RPS6KC1: variants seen among roughly 807,000 people sequenced by gnomAD.
The protein encoded by RPS6KC1 is inactive ribosomal protein S6 kinase delta-1.
Under a neutral mutation model 103.8 loss-of-function variants are expected in RPS6KC1, and 54 were observed. The observed-to-expected ratio is 0.52, with a 90% CI of 0.42 to 0.65. The LOEUF (loss-of-function observed/expected upper bound fraction) is 0.65. RPS6KC1 is among the 30% of genes least tolerant of loss of function. The pLI is 0.00. For synonymous variants in RPS6KC1, 439 were observed against 438.7 expected (o/e 1.00, Z -0.01); for missense variants, 1,151 against 1,253.8 (o/e 0.92, Z 1.24).
intron 6 of RPS6KC1, among the ~76,000 whole-genome samples, chr1:213,152,588 TCA>T (rs1425962182): frequency 2.1e-4 from 30 of 144,346 alleles, no homozygotes; most frequent in Non-Finnish European, 3.0e-4. Context: ...GAGGTGCTCC[TCA>T]CATCCCAGAC....
the RPS6KC1 span, among the ~76,000 whole-genome samples, chr1:213,386,089 G>A: frequency 6.6e-6 from 1 of 152,152 alleles, no homozygotes; most frequent in Non-Finnish European, 1.5e-5. Flanking sequence ...GAATGGCTTG[G>A]TGCTGTCCTC....
the RPS6KC1 span, among the ~76,000 whole-genome samples, chr1:213,767,114 A>C: frequency 6.6e-6 from 1 of 152,200 alleles, no homozygotes; most frequent in African/African-American, 2.4e-5. Context: ...TCTACATCTA[A>C]TTTATTTCTC....
At chr1:213,717,512 G>C in the RPS6KC1 span, among the ~76,000 whole-genome samples, 6 of 152,210 alleles carry the variant, frequency 3.9e-5, no homozygotes, top group African/African-American at 1.4e-4. Context: ...GAGTTTATAT[G>C]AGAGGGATGG....
the RPS6KC1 span, among the ~76,000 whole-genome samples, chr1:213,332,157 G>A: frequency 3.9e-5 from 6 of 152,002 alleles, no homozygotes; most frequent in Non-Finnish European, 8.8e-5. Flanking sequence ...CAAGGACAGA[G>A]CCAACCAACT....
chr1:213,052,639 C>G (rs2077044854), intron 1 of RPS6KC1, among the ~76,000 whole-genome samples: 1 of 152,050 alleles, frequency 6.6e-6, no homozygotes, highest in African/African-American at 2.4e-5. Context: ...CTCCTGAGTT[C>G]AAGCGATTCT....
chr1:213,440,376 TTC>T, the RPS6KC1 span, among the ~76,000 whole-genome samples: 1 of 152,174 alleles, frequency 6.6e-6, no homozygotes, highest in African/African-American at 2.4e-5. Context: ...ATGTGAAGAC[TTC>T]TTTCTCTTTT....
At chr1:213,285,314 C>T in the RPS6KC1 span, among the ~76,000 whole-genome samples, 2 of 146,448 alleles carry the variant, frequency 1.4e-5, no homozygotes, top group Admixed American at 1.4e-4. Flanking sequence ...TAATTACCTC[C>T]TGAAGGCCCC....
chr1:213,743,297 A>C, the RPS6KC1 span, among the ~76,000 whole-genome samples: 1 of 152,170 alleles, frequency 6.6e-6, no homozygotes, highest in Non-Finnish European at 1.5e-5. Context: ...TAGAAAACCA[A>C]ATACCATGTG....
the RPS6KC1 span, among the ~76,000 whole-genome samples, chr1:213,859,718 G>A: frequency 1.3e-5 from 2 of 152,272 alleles, no homozygotes; most frequent in Non-Finnish European, 2.9e-5. Context: ...CTGTGACTTT[G>A]GAGAGTGCTT....
At chr1:213,455,822 T>A in the RPS6KC1 span, among the ~76,000 whole-genome samples, 1 of 152,230 alleles carries the variant, frequency 6.6e-6, no homozygotes, top group Non-Finnish European at 1.5e-5. Flanking sequence ...TTGATAATTT[T>A]ATTTTTACCA....
At chr1:213,114,440 C>T (rs548448201) in intron 4 of RPS6KC1, among the ~76,000 whole-genome samples, 17 of 148,730 alleles carry the variant, frequency 1.1e-4, no homozygotes, top group African/African-American at 4.0e-4. Flanking sequence ...TGCTTATCAG[C>T]TTAAGGAGAT....
chr1:213,128,958 T>A lies in RPS6KC1; in HGVS notation c.473-569T>A, dbSNP rs1032961409. ...ATTCCTCATTTAAAGACTTGCATAATAAGTAATACTATTAAGTAACCTGCT... is the reference window on the plus strand; with the variant it reads ...ATTCCTCATTTAAAGACTTGCATAAAAAGTAATACTATTAAGTAACCTGCT... On this transcript the variant is annotated intron_variant, in intron 5 of 14. Coordinates refer to ENST00000366960, the MANE Select transcript of RPS6KC1 (RefSeq NM_012424.6). Among the ~76,000 whole-genome samples, 3 of 152,222 alleles carry A rather than the reference T, an allele frequency of 2.0e-5. No homozygotes were observed. The South Asian group carries it at 6.2e-4, about 32-fold the overall frequency.
intron 7 of RPS6KC1, among the ~76,000 whole-genome samples, chr1:213,172,325 A>G (rs1374036547): frequency 6.6e-6 from 1 of 152,140 alleles, no homozygotes; most frequent in Non-Finnish European, 1.5e-5. Context: ...TAAAGAATGT[A>G]CAACAGGCCT....
the RPS6KC1 span, among the ~76,000 whole-genome samples, chr1:213,319,871 A>C: frequency 4.1e-4 from 63 of 152,230 alleles, no homozygotes; most frequent in Admixed American, 4.1e-3. Context: ...ATTCATGTCC[A>C]TTCAGAACCT....
intron 2 of RPS6KC1, among the ~76,000 whole-genome samples, chr1:213,076,811 C>T (rs956184075): frequency 6.6e-6 from 1 of 151,896 alleles, no homozygotes; most frequent in Non-Finnish European, 1.5e-5. Flanking sequence ...AGATTTATGA[C>T]ATGAAAGTCC....
At chr1:213,808,889 A>G in the RPS6KC1 span, among the ~76,000 whole-genome samples, 42,714 of 152,162 alleles carry the variant, frequency 0.28, 9,890 homozygotes, top group African/African-American at 0.62. Context: ...GCTGGGAGCT[A>G]TAGACCGGAG....
chr1:213,746,970 GACACA>G, the RPS6KC1 span, among the ~76,000 whole-genome samples: 1 of 152,148 alleles, frequency 6.6e-6, no homozygotes, highest in East Asian at 1.9e-4. Flanking sequence ...TGCAACTGGA[GACACA>G]AGTACAAAGT....
At chr1:213,423,530 G>T in the RPS6KC1 span, among the ~76,000 whole-genome samples, 2 of 152,178 alleles carry the variant, frequency 1.3e-5, no homozygotes, top group African/African-American at 4.8e-5. Context: ...TGGCTTTGGG[G>T]GGTGAGGATG....
chr1:213,081,541 A>G (rs958276472), intron 3 of RPS6KC1, among the ~76,000 whole-genome samples: 2 of 152,120 alleles, frequency 1.3e-5, no homozygotes, highest in Non-Finnish European at 2.9e-5. Flanking sequence ...TATCCAAACC[A>G]TAGCACCTTC....
Sources: allele counts gnomAD v4.1 joint callset (sites outside exome capture counted in the v4.1 genomes callset), GRCh38; gene constraint gnomAD v4.1.1; transcripts MANE v1.5; gene names NCBI Gene and HGNC (gene_info 2026-07-23, HGNC 2026-07-21).